The following DLG1 variants were observed in gnomAD, a reference collection of about 807,000 sequenced individuals.
The protein encoded by DLG1 is disks large homolog 1.
DLG1 carries 42 observed loss-of-function variants against 123.4 expected under a neutral mutation model. The observed-to-expected ratio is 0.34, with a 90% CI of 0.27 to 0.44. DLG1 has a LOEUF of 0.44. Among genes scored for constraint, DLG1 ranks in the 20% least tolerant of loss-of-function variants. DLG1 has a pLI of 1.00. For synonymous variants in DLG1, 317 were observed against 356.2 expected (o/e 0.89, Z 1.24); for missense variants, 942 against 1,082.6 (o/e 0.87, Z 1.82).
intron 13 of DLG1, 77 bp from the exon 14 acceptor site, chr3:197,105,082 T>A: frequency 1.1e-6 from 1 of 886,316 alleles, no homozygotes; most frequent in Non-Finnish European, 1.7e-6. Context: ...ATTCTTTGAG[T>A]AAGCATGTAT....
chr3:197,203,878 G>C (rs1174736526), intron 4 of DLG1, among the ~76,000 whole-genome samples: 1 of 152,194 alleles, frequency 6.6e-6, no homozygotes, highest in Non-Finnish European at 1.5e-5. Context: ...AATTAAAATA[G>C]GGCTGGTGGG....
chr3:197,294,865 CAAAGA>C lies in DLG1; in HGVS notation c.151+1476_151+1480del, dbSNP rs565311879. Among the ~76,000 whole-genome samples, 16 of 152,098 alleles carry C rather than the reference CAAAGA, an allele frequency of 1.1e-4. 1 individual carries two copies. The South Asian group carries it at 2.5e-3, about 24-fold the overall frequency. On this transcript the variant is annotated intron_variant, in intron 3 of 24. Coordinates refer to ENST00000667157, the MANE Select transcript of DLG1 (RefSeq NM_001366207.1). ...ATTTTCTTAAGTTACAGCCATCACACAAAGAAAAGTCTGCAGTCTATCTATCTGCC... is the reference window on the plus strand; with the variant it reads ...ATTTTCTTAAGTTACAGCCATCACACAAAGTCTGCAGTCTATCTATCTGCC...
At chr3:197,078,968 A>G (rs1749134934) in intron 17 of DLG1, among the ~76,000 whole-genome samples, 1 of 152,216 alleles carries the variant, frequency 6.6e-6, no homozygotes, top group African/African-American at 2.4e-5. Context: ...ATATCATAAT[A>G]TAGGACAGAG....
chr3:197,236,020 A>G (rs1035965514), intron 4 of DLG1, among the ~76,000 whole-genome samples: 3 of 152,358 alleles, frequency 2.0e-5, no homozygotes, highest in South Asian at 2.1e-4. Context: ...CTATCATTCA[A>G]AAATAAAGGC....
At chr3:197,186,551 G>A (rs1382406600) in intron 5 of DLG1, among the ~76,000 whole-genome samples, 1 of 152,090 alleles carries the variant, frequency 6.6e-6, no homozygotes, top group Non-Finnish European at 1.5e-5. Context: ...AATACGATTA[G>A]TTCAGTGGAT....
intron 4 of DLG1, among the ~76,000 whole-genome samples, chr3:197,271,723 G>A (rs1395484632): frequency 2.6e-5 from 4 of 152,174 alleles, no homozygotes; most frequent in Non-Finnish European, 4.4e-5. Context: ...AATTTTCTCA[G>A]ATGTGGTAAT....
intron 16 of DLG1, chr3:197,085,362 C>G: frequency 1.9e-6 from 1 of 515,924 alleles, no homozygotes; most frequent in South Asian, 2.1e-5. Flanking sequence ...CCCCATCCTC[C>G]TAACCCCTGG....
chr3:197,200,134 C>T (rs1202300913), intron 4 of DLG1, among the ~76,000 whole-genome samples: 1 of 152,034 alleles, frequency 6.6e-6, no homozygotes, highest in African/African-American at 2.4e-5. Context: ...AAACAATTTT[C>T]TGATTATGGA....
At chr3:197,203,563 A>G (rs1726971295) in intron 4 of DLG1, among the ~76,000 whole-genome samples, 1 of 152,226 alleles carries the variant, frequency 6.6e-6, no homozygotes, top group Admixed American at 6.5e-5. Flanking sequence ...TGTGAAGTAC[A>G]TCAATTGCAA....
At chr3:197,204,179 T>C (rs912694647) in intron 4 of DLG1, among the ~76,000 whole-genome samples, 4 of 152,248 alleles carry the variant, frequency 2.6e-5, no homozygotes, top group African/African-American at 9.6e-5. Context: ...CACATTACAC[T>C]GACTTCATTT....
intron 4 of DLG1, among the ~76,000 whole-genome samples, chr3:197,248,041 T>G (rs1224113620): frequency 3.3e-5 from 5 of 152,108 alleles, no homozygotes; most frequent in Non-Finnish European, 7.4e-5. Flanking sequence ...CCATATGAGG[T>G]GACCACGGAA....
chr3:197,216,146 CAA>C (rs753901202), intron 4 of DLG1, among the ~76,000 whole-genome samples: 80 of 152,210 alleles, frequency 5.3e-4, no homozygotes, highest in Admixed American at 2.2e-3. Context: ...TTTCATATAA[CAA>C]AGAGAAAATT....
chr3:197,266,582 C>T (rs1025488476), intron 4 of DLG1, among the ~76,000 whole-genome samples: 3 of 152,014 alleles, frequency 2.0e-5, no homozygotes, highest in Non-Finnish European at 2.9e-5. Context: ...CACTGCACTG[C>T]AGCCTGGGCG....
intron 23 of DLG1, 79 bp from the exon 24 acceptor site, chr3:197,051,747 CAT>C: frequency 7.1e-6 from 7 of 990,828 alleles, no homozygotes; most frequent in Non-Finnish European, 1.0e-5. Flanking sequence ...AGAGATGACA[CAT>C]AAAATAGAAA....
At chr3:197,166,893 G>A (rs947095408) in intron 5 of DLG1, among the ~76,000 whole-genome samples, 2 of 151,688 alleles carry the variant, frequency 1.3e-5, no homozygotes, top group Non-Finnish European at 2.9e-5. Flanking sequence ...ACTCCGTCTC[G>A]GGGGGAAAAA....
At chr3:197,155,878 G>A (rs1348678231) in intron 5 of DLG1, among the ~76,000 whole-genome samples, 1 of 152,176 alleles carries the variant, frequency 6.6e-6, no homozygotes, top group African/African-American at 2.4e-5. Context: ...GGGCCCAAGA[G>A]GTTGAGGCTG....
intron 5 of DLG1, among the ~76,000 whole-genome samples, chr3:197,180,988 C>A (rs1248935264): frequency 1.3e-5 from 2 of 152,162 alleles, no homozygotes; most frequent in Non-Finnish European, 2.9e-5. Context: ...AAGTTTATAA[C>A]CACTCAGTTT....
At chr3:197,121,260 A>T (rs990849853) in intron 11 of DLG1, among the ~76,000 whole-genome samples, 1 of 152,176 alleles carries the variant, frequency 6.6e-6, no homozygotes, top group East Asian at 1.9e-4. Context: ...GACGGCCTCA[A>T]AGAAGGATCA....
chr3:197,257,942 C>CA (rs1757574248), intron 4 of DLG1, among the ~76,000 whole-genome samples: 1 of 152,114 alleles, frequency 6.6e-6, no homozygotes, highest in Admixed American at 6.6e-5. Context: ...GACATGTTTG[C>CA]AAAGCAGCTA....
Sources: allele counts gnomAD v4.1 joint callset (sites outside exome capture counted in the v4.1 genomes callset), GRCh38; gene constraint gnomAD v4.1.1; transcripts MANE v1.5; gene names NCBI Gene and HGNC (gene_info 2026-07-23, HGNC 2026-07-21).